Variants in TRIO observed in about 807,000 individuals in gnomAD.
The protein encoded by TRIO is trio Rho guanine nucleotide exchange factor.
A neutral mutation model predicts 351.9 loss-of-function variants in TRIO; 58 were observed. That is an observed-to-expected ratio of 0.16 (90% CI 0.13 to 0.21). TRIO has a LOEUF of 0.21. Among genes scored for constraint, TRIO ranks in the 10% least tolerant of loss-of-function variants. TRIO has a pLI of 1.00. For synonymous variants in TRIO, 1,758 were observed against 1,595.7 expected (o/e 1.10, Z -2.42); for missense variants, 3,201 against 4,027.8 (o/e 0.79, Z 5.56).
At position 14,293,031 on chromosome 5, in the gene TRIO, A is replaced by C. The variant is rs763508047; in HGVS notation, c.1073A>C (p.His358Pro). ...DAEKMFDWIT[H>P]NKGLFLNSYT... ...CGGTAGATGTTTGACTGGATCACAC[A>C]CAACAAAGGCCTGTTTCTAAACAGC... Residue 358 changes from histidine (H) to proline (P), a missense_variant, in exon 6 of 57, where the codon CAC becomes CCC. By Grantham distance (77) the His-to-Pro change is moderately conservative. Coordinates refer to ENST00000344204, the MANE Select transcript of TRIO (RefSeq NM_007118.4). The C allele has an allele frequency of 1.9e-6, 3 of 1,614,138 alleles. No homozygotes were observed. The highest frequency in any genetic ancestry group is 8.5e-7 in the Non-Finnish European group (1 of 1,180,012).
intron 1 of TRIO, among the ~76,000 whole-genome samples, chr5:14,232,272 G>A (rs1056786301): frequency 2.0e-5 from 3 of 152,216 alleles, no homozygotes; most frequent in African/African-American, 4.8e-5. Context: ...CATAGCCTCC[G>A]TTCCTTCTGC....
chr5:14,203,470 C>G (rs764043988), intron 1 of TRIO, among the ~76,000 whole-genome samples: 1 of 152,142 alleles, frequency 6.6e-6, no homozygotes, highest in Non-Finnish European at 1.5e-5. Context: ...TTTTTACAGA[C>G]CATGTTTCCT....
intron 35 of TRIO, 42 bp downstream of exon 35, chr5:14,461,353 C>A (rs950089431): frequency 3.1e-5 from 46 of 1,466,356 alleles, no homozygotes; most frequent in Non-Finnish European, 4.1e-5. Flanking sequence ...TGGCGGGGCC[C>A]GCTGGGCTTT....
chr5:14,359,699 G>A (rs1743964803), intron 13 of TRIO, among the ~76,000 whole-genome samples, 168 bp downstream of exon 13: 1 of 152,186 alleles, frequency 6.6e-6, no homozygotes, highest in African/African-American at 2.4e-5. Context: ...CTGGAGGCTG[G>A]AATTGGATCA....
chr5:14,224,250 T>C (rs1021387798), intron 1 of TRIO, among the ~76,000 whole-genome samples: 2 of 152,114 alleles, frequency 1.3e-5, no homozygotes, highest in Non-Finnish European at 1.5e-5. Flanking sequence ...GTTAATCTTA[T>C]ACATACTGTT....
At chr5:14,505,687 A>G (rs1757625382) in intron 55 of TRIO, among the ~76,000 whole-genome samples, 2 of 152,150 alleles carry the variant, frequency 1.3e-5, no homozygotes, top group Admixed American at 6.5e-5. Context: ...AGCGTCCCAC[A>G]TGGCCCCACA....
At chr5:14,399,198 T>C (rs1579538254) in intron 30 of TRIO, 128 bp downstream of exon 30, 3 of 907,216 alleles carry the variant, frequency 3.3e-6, no homozygotes, top group Non-Finnish European at 5.1e-6. Context: ...CAAGTCTGAA[T>C]TGTGGTAGGG....
At chr5:14,270,142 A>G (rs562393163) in intron 1 of TRIO, among the ~76,000 whole-genome samples, 17 of 152,146 alleles carry the variant, frequency 1.1e-4, no homozygotes, top group East Asian at 1.9e-4. Flanking sequence ...CTTTTCTACA[A>G]TATTCCCACT....
chr5:14,293,267 A>T, intron 6 of TRIO, 133 bp downstream of exon 6: 1 of 1,249,046 alleles, frequency 8.0e-7, no homozygotes, highest in Non-Finnish European at 1.1e-6. Flanking sequence ...TGACCTTCAC[A>T]TGGAGGGTGT....
intron 1 of TRIO, among the ~76,000 whole-genome samples, chr5:14,195,922 G>A (rs1790743556): frequency 6.6e-6 from 1 of 151,992 alleles, no homozygotes; most frequent in Non-Finnish European, 1.5e-5. Flanking sequence ...GTTGTGGATT[G>A]TTTTACTAGA....
chr5:14,425,922 T>C (rs907930377), intron 34 of TRIO, among the ~76,000 whole-genome samples: 1 of 152,246 alleles, frequency 6.6e-6, no homozygotes, highest in Non-Finnish European at 1.5e-5. Context: ...TAAGGTATTT[T>C]ATTATAGCAG....
chr5:14,381,386 T>A, intron 21 of TRIO, 134 bp downstream of exon 21: 20 of 1,106,884 alleles, frequency 1.8e-5, no homozygotes, highest in Non-Finnish European at 2.5e-5. Flanking sequence ...TGGAGGATGC[T>A]TCCTCCTTCC....
At chr5:14,253,562 C>T (rs1794864758) in intron 1 of TRIO, among the ~76,000 whole-genome samples, 1 of 152,144 alleles carries the variant, frequency 6.6e-6, no homozygotes, top group Non-Finnish European at 1.5e-5. Context: ...TGGTCTTGAA[C>T]TCCTGAGCTC....
At chr5:14,401,103 A>T (rs1748031502) in intron 31 of TRIO, 39 bp downstream of exon 31, 1 of 1,538,166 alleles carries the variant, frequency 6.5e-7, no homozygotes, top group East Asian at 2.3e-5. Context: ...TGTTTGAAAC[A>T]TTTACTGTGG....
intron 8 of TRIO, among the ~76,000 whole-genome samples, chr5:14,311,510 C>G (rs149669668): frequency 6.6e-6 from 1 of 152,202 alleles, no homozygotes. Flanking sequence ...TTGACCTGCA[C>G]TGTTGGTAGG....
chr5:14,148,649 A>G (rs1053551519), intron 1 of TRIO, among the ~76,000 whole-genome samples: 1 of 152,218 alleles, frequency 6.6e-6, no homozygotes, highest in African/African-American at 2.4e-5. Context: ...CTGGCAGGAA[A>G]TAGTAGCGAC....
chr5:14,195,189 A>G (rs1790702254), intron 1 of TRIO, among the ~76,000 whole-genome samples: 1 of 152,176 alleles, frequency 6.6e-6, no homozygotes, highest in Non-Finnish European at 1.5e-5. Context: ...GTTGCATTTA[A>G]TTGCAGCCCT....
At chr5:14,424,270 A>G (rs2152392881) in intron 34 of TRIO, among the ~76,000 whole-genome samples, 1 of 152,176 alleles carries the variant, frequency 6.6e-6, no homozygotes, top group East Asian at 1.9e-4. Flanking sequence ...GTTTCCTTAC[A>G]CCAACCCATC....
In TRIO at chr5:14,487,834, C is replaced by A; in HGVS notation, c.7206C>A (p.Ser2402=). 1.3e-6 allele frequency: 2 copies of A among 1,513,382 alleles called. No individual in the cohort carries two copies. The highest frequency in any genetic ancestry group is 5.4e-5 in the East Asian group (2 of 36,852). 93.7% of individuals were successfully genotyped at this position (1,513,382 alleles called of 1,614,324 possible). The change falls in exon 48 of 57, where the codon TCC becomes TCA. Residue 2402 remains serine (S), a synonymous_variant. Coordinates refer to ENST00000344204, the MANE Select transcript of TRIO (RefSeq NM_007118.4). ...RRPPGADAEG[S]EREAEPIPKM... is the part of the protein sequence containing the mutation. The stretch of plus-strand genomic sequence containing the variant: ...CCCCCGGCGCGGACGCCGAGGGGTC[C>A]GAGCGAGAAGCGGAGCCGATCCCCA...
Sources: gnomAD v4.1 joint callset for allele counts (sites outside exome capture counted in the v4.1 genomes callset) on GRCh38, gnomAD v4.1.1 for gene constraint, MANE v1.5 for transcripts, NCBI Gene and HGNC (gene_info 2026-07-23, HGNC 2026-07-21) for gene names.